CNTNAP4: variants seen among roughly 807,000 people sequenced by gnomAD.
CNTNAP4 encodes contactin associated protein family member 4.
In CNTNAP4, 98 loss-of-function variants were observed where a neutral mutation model predicts 148.4. That is an observed-to-expected ratio of 0.66 (90% confidence interval 0.56 to 0.78). The LOEUF (loss-of-function observed/expected upper bound fraction) is 0.78. Among genes scored for constraint, CNTNAP4 ranks in the 30% least tolerant of loss-of-function variants. CNTNAP4 has a pLI of 0.00. For synonymous variants in CNTNAP4, 730 were observed against 565.1 expected, an observed-to-expected ratio of 1.29 and a Z score of -4.14; for missense variants, 1,935 against 1,565.6, an observed-to-expected ratio of 1.24 and a Z score of -3.98.
At chr16:76,396,987 C>T (rs2078225257) in intron 3 of CNTNAP4, among the ~76,000 whole-genome samples, 1 of 152,116 alleles carries the variant, frequency 6.6e-6, no homozygotes. Context: ...ACCAGAGAGA[C>T]TTATGGAACT....
chr16:76,428,906 T>A (rs1167666884), intron 4 of CNTNAP4, among the ~76,000 whole-genome samples: 1 of 152,166 alleles, frequency 6.6e-6, no homozygotes, highest in Non-Finnish European at 1.5e-5. Context: ...CTACTCCATT[T>A]ACCTCTTTTG....
intron 9 of CNTNAP4, 130 bp downstream of exon 9, chr16:76,462,235 G>A (rs2081001405): frequency 5.1e-6 from 4 of 776,798 alleles, no homozygotes; most frequent in African/African-American, 1.7e-5. Context: ...CTTTGATCAC[G>A]GACATTTTGG....
intron 1 of CNTNAP4, among the ~76,000 whole-genome samples, chr16:76,294,623 G>T (rs1200889302): frequency 2.6e-5 from 4 of 152,016 alleles, no homozygotes; most frequent in Admixed American, 2.6e-4. Context: ...GGATAGTTTT[G>T]GTTTCATACA....
intron 9 of CNTNAP4, among the ~76,000 whole-genome samples, chr16:76,464,238 A>G (rs2143454247): frequency 6.6e-6 from 1 of 152,284 alleles, no homozygotes; most frequent in South Asian, 2.1e-4. Flanking sequence ...TAGAGGGGAA[A>G]GGGTTCTAAG....
chr16:76,393,538 A>G (rs942289368), intron 3 of CNTNAP4, among the ~76,000 whole-genome samples: 9 of 152,140 alleles, frequency 5.9e-5, no homozygotes, highest in African/African-American at 2.2e-4. Flanking sequence ...AAGTGCTCAC[A>G]GCCTCTTGGG....
chr16:76,498,863 T>C (rs1342336576), intron 15 of CNTNAP4, among the ~76,000 whole-genome samples, 169 bp downstream of exon 15: 1 of 152,084 alleles, frequency 6.6e-6, no homozygotes, highest in African/African-American at 2.4e-5. Flanking sequence ...GTCAAATTCA[T>C]AGACAGAAAG....
At chr16:76,458,132 CT>C (rs1285436712) in intron 8 of CNTNAP4, among the ~76,000 whole-genome samples, 1 of 152,136 alleles carries the variant, frequency 6.6e-6, no homozygotes, top group Admixed American at 6.5e-5. Flanking sequence ...TTATTCCATT[CT>C]TTTTTATCGC....
chr16:76,514,308 A>G (rs1033753967), intron 15 of CNTNAP4, among the ~76,000 whole-genome samples: 6 of 152,182 alleles, frequency 3.9e-5, no homozygotes, highest in Non-Finnish European at 8.8e-5. Context: ...AAATAATTGG[A>G]TGTTGCTCCA....
Position 76,381,799 on chromosome 16 carries a change from G to A in CNTNAP4, c.390+26288G>A, listed in dbSNP as rs527366358. On this transcript the variant is annotated intron_variant, in intron 3 of 23. Coordinates refer to ENST00000611870, the MANE Select transcript of CNTNAP4 (RefSeq NM_033401.5). ...TTACCTGCCGGGTGCGGTGGCTCAC[G>A]CCTGTAATCCCAGGACTTTGGGAGG... Among the ~76,000 whole-genome samples the A allele has an allele frequency of 7.6e-4, 115 of 152,132 alleles. 1 individual carries two copies. The highest frequency in any genetic ancestry group is 1.4e-3 in the Admixed American group (22 of 15,276).
At chr16:76,470,479 A>AATTATATATATATATAT (rs575618395) in intron 10 of CNTNAP4, among the ~76,000 whole-genome samples, 1,268 of 45,374 alleles carry the variant, frequency 0.028, 128 homozygotes, top group African/African-American at 0.073. Context: ...CGTCTCTACT[A>AATTATATATATATATAT]ATAATATATA....
intron 1 of CNTNAP4, among the ~76,000 whole-genome samples, chr16:76,285,790 G>A (rs771454872): frequency 6.6e-6 from 1 of 151,578 alleles, no homozygotes; most frequent in Non-Finnish European, 1.5e-5. Context: ...CTTTGAATAA[G>A]GACACGGATA....
chr16:76,517,698 A>G, intron 15 of CNTNAP4, among the ~76,000 whole-genome samples: 1 of 152,206 alleles, frequency 6.6e-6, no homozygotes, highest in Non-Finnish European at 1.5e-5. Context: ...ACAATTCAGT[A>G]ATATAAAGTG....
intron 1 of CNTNAP4, 51 bp from the exon 2 acceptor site, chr16:76,316,362 C>T (rs188828771): frequency 1.5e-5 from 18 of 1,208,556 alleles, no homozygotes; most frequent in Admixed American, 1.1e-4. Flanking sequence ...ATTGATTCCA[C>T]GAAAGCCTCA....
chr16:76,494,967 G>A lies in CNTNAP4; in HGVS notation c.2138G>A (p.Gly713Glu). Residue 713 changes from glycine to glutamate, a missense_variant, in exon 14 of 24, where the codon GGA becomes GAA. Physicochemically the swap from Gly to Glu is moderately conservative, Grantham distance 98. Transcript: ENST00000611870. Reference sequence around the variant, plus strand: ...ACCAATGAAACGCAAACCTACTGGGGAGGTTCTTCGCCTGATCTTCAAAAA... The same window carrying A: ...ACCAATGAAACGCAAACCTACTGGGAAGGTTCTTCGCCTGATCTTCAAAAA... ...GRTNETQTYW[G>E]GSSPDLQKCT... The A allele has an allele frequency of 6.2e-7, 1 of 1,613,636 alleles. No individual in the cohort carries two copies. Among genetic ancestry groups the A allele is most frequent in the Non-Finnish European group, 8.5e-7 (1 of 1,179,644 alleles).
intron 23 of CNTNAP4, among the ~76,000 whole-genome samples, chr16:76,554,186 C>T (rs1477758833): frequency 2.0e-5 from 3 of 152,164 alleles, no homozygotes; most frequent in Non-Finnish European, 2.9e-5. Context: ...TGAATATTAT[C>T]AAGCTTGAAC....
rs58296637 is a variant in CNTNAP4 at position 76,430,039 on chromosome 16, G to C, written c.538+2440G>C. Among the ~76,000 whole-genome samples the C allele has an allele frequency of 0.028, 4,189 of 152,190 alleles. 386 individuals are homozygous for C. In the East Asian group the frequency reaches 0.32, roughly 12 times the overall value. On this transcript the variant is annotated intron_variant, in intron 4 of 23. Coordinates refer to ENST00000611870, the MANE Select transcript of CNTNAP4 (RefSeq NM_033401.5). ...TAATCAGAAAATAACCAAAGAATGG[G>C]TTGGGCATGAGTACCTTATGGGAAT...
At chr16:76,347,731 A>G (rs922472665) in intron 2 of CNTNAP4, among the ~76,000 whole-genome samples, 11 of 152,142 alleles carry the variant, frequency 7.2e-5, no homozygotes, top group African/African-American at 2.7e-4. Flanking sequence ...AGCTTCTGAG[A>G]TGGAAAATGA....
intron 3 of CNTNAP4, among the ~76,000 whole-genome samples, chr16:76,386,493 T>C (rs72794964): frequency 1.8e-4 from 27 of 152,332 alleles, no homozygotes; most frequent in Non-Finnish European, 2.8e-4. Flanking sequence ...CCTTTATGCT[T>C]ACTCCAGACT....
At chr16:76,539,261 A>G (rs1391252486) in intron 19 of CNTNAP4, among the ~76,000 whole-genome samples, 1 of 152,056 alleles carries the variant, frequency 6.6e-6, no homozygotes, top group Non-Finnish European at 1.5e-5. Context: ...GTCTATGACC[A>G]TGACTACTTG....
Sources: gnomAD v4.1 joint callset for allele counts (sites outside exome capture counted in the v4.1 genomes callset) on GRCh38, gnomAD v4.1.1 for gene constraint, MANE v1.5 for transcripts, NCBI Gene and HGNC (gene_info 2026-07-23, HGNC 2026-07-21) for gene names.